GSTCD: variants seen among roughly 807,000 people sequenced by gnomAD.
GSTCD encodes glutathione S-transferase C-terminal domain containing.
A neutral mutation model predicts 68.3 loss-of-function variants in GSTCD; 44 were observed. The observed-to-expected ratio is 0.64, with a 90% CI of 0.51 to 0.83. GSTCD has a LOEUF of 0.83. Ranked by LOEUF, GSTCD falls within the 40% of genes least tolerant of loss-of-function variation. GSTCD has a pLI of 0.00. For synonymous variants in GSTCD, 273 were observed against 255.2 expected (o/e 1.07, Z -0.67); for missense variants, 739 against 735.9 (o/e 1.00, Z -0.05).
chr4:105,800,059 A>T (rs1312009830), intron 5 of GSTCD, among the ~76,000 whole-genome samples: 1 of 152,136 alleles, frequency 6.6e-6, no homozygotes, highest in African/African-American at 2.4e-5. Context: ...ACTTACATAG[A>T]AATTTACAAA....
chr4:105,844,909 C>G (rs1325480189), intron 11 of GSTCD, among the ~76,000 whole-genome samples: 1 of 152,180 alleles, frequency 6.6e-6, no homozygotes, highest in Non-Finnish European at 1.5e-5. Flanking sequence ...CTACACTCAA[C>G]ATTACATTTC....
At chr4:105,761,731 G>T (rs1235728223) in intron 5 of GSTCD, 1 of 152,090 alleles carries the variant, frequency 6.6e-6, no homozygotes, top group Non-Finnish European at 1.5e-5. Context: ...GTAATATAGG[G>T]ATATACTATG....
chr4:105,720,239 A>AT (rs1732819956), intron 3 of GSTCD, among the ~76,000 whole-genome samples: 1 of 152,230 alleles, frequency 6.6e-6, no homozygotes. Context: ...GGAGGAAAAA[A>AT]GAACAGGGTG....
chr4:105,752,396 T>C (rs1285899612), intron 5 of GSTCD, among the ~76,000 whole-genome samples: 1 of 152,084 alleles, frequency 6.6e-6, no homozygotes, highest in Non-Finnish European at 1.5e-5. Flanking sequence ...ACAGAGACCA[T>C]AATGACTGAT....
intron 10 of GSTCD, 66 bp from the exon 11 acceptor site, chr4:105,841,999 G>C: frequency 8.3e-7 from 1 of 1,203,356 alleles, no homozygotes; most frequent in South Asian, 1.2e-5. Context: ...TTTTTTTGGT[G>C]GTTGTTTTTA....
chr4:105,732,322 G>C (rs1733276833), intron 5 of GSTCD, among the ~76,000 whole-genome samples: 1 of 152,090 alleles, frequency 6.6e-6, no homozygotes, highest in Non-Finnish European at 1.5e-5. Flanking sequence ...GTCTGGTCCT[G>C]GACTTTTTTT....
rs556507164 is a variant in GSTCD at position 105,755,760 on chromosome 4, G to T, written c.1240+26261G>T. Among the ~76,000 whole-genome samples the T allele has an allele frequency of 1.1e-4, 16 of 152,256 alleles. No homozygotes were observed. In the South Asian group the frequency reaches 3.3e-3, roughly 32 times the overall value. ...GAGATATTTAAAAGAAGTCTGGAAA[G>T]GTAATCCAAGAGATAAATTATTCAA... On this transcript the variant is annotated intron_variant, in intron 5 of 11. Coordinates refer to ENST00000515279, the MANE Select transcript of GSTCD (RefSeq NM_001370181.1).
At chr4:105,834,236 T>G (rs1458964726) in intron 8 of GSTCD, among the ~76,000 whole-genome samples, 246 of 152,346 alleles carry the variant, frequency 1.6e-3, no homozygotes, top group African/African-American at 5.7e-3. Context: ...CTTGTGTTAA[T>G]TTTTCCACAC....
intron 5 of GSTCD, among the ~76,000 whole-genome samples, chr4:105,804,768 A>G (rs542678574): frequency 1.2e-4 from 18 of 152,136 alleles, no homozygotes; most frequent in East Asian, 5.8e-4. Flanking sequence ...CCGAGCATCA[A>G]TTAGCTATTT....
At chr4:105,782,933 A>G (rs1735335898) in intron 5 of GSTCD, among the ~76,000 whole-genome samples, 1 of 152,238 alleles carries the variant, frequency 6.6e-6, no homozygotes, top group Non-Finnish European at 1.5e-5. Flanking sequence ...TTTAAAAATA[A>G]CTACCAATTT....
chr4:105,747,029 C>G (rs1733828011), intron 5 of GSTCD, among the ~76,000 whole-genome samples: 1 of 152,302 alleles, frequency 6.6e-6, no homozygotes, highest in South Asian at 2.1e-4. Context: ...GAGGCAGATA[C>G]AAGGTGAAGA....
chr4:105,785,778 G>C (rs185454435), intron 5 of GSTCD, among the ~76,000 whole-genome samples: 2 of 152,130 alleles, frequency 1.3e-5, no homozygotes, highest in East Asian at 1.9e-4. Flanking sequence ...AAAAAAAAAG[G>C]CCTCTACATT....
intron 5 of GSTCD, among the ~76,000 whole-genome samples, chr4:105,787,141 T>C (rs1381476970): frequency 6.6e-6 from 1 of 152,114 alleles, no homozygotes; most frequent in African/African-American, 2.4e-5. Context: ...TTTTTTTTAC[T>C]GATAAGTGTT....
At chr4:105,809,796 C>T (rs1722683118) in intron 5 of GSTCD, among the ~76,000 whole-genome samples, 1 of 151,266 alleles carries the variant, frequency 6.6e-6, no homozygotes, top group Non-Finnish European at 1.5e-5. Flanking sequence ...TAATTTTATA[C>T]CTGGTCTTTT....
intron 10 of GSTCD, among the ~76,000 whole-genome samples, chr4:105,839,491 T>C (rs975346966): frequency 6.6e-6 from 1 of 152,092 alleles, no homozygotes; most frequent in African/African-American, 2.4e-5. Context: ...AAAAATTAGC[T>C]GGGTGTGGTG....
intron 5 of GSTCD, among the ~76,000 whole-genome samples, chr4:105,739,869 C>T (rs763416043): frequency 3.3e-5 from 5 of 152,122 alleles, no homozygotes; most frequent in African/African-American, 4.8e-5. Flanking sequence ...AGGGATGGAA[C>T]GGTTCTGCCA....
chr4:105,747,324 A>G (rs1733839593), intron 5 of GSTCD, among the ~76,000 whole-genome samples: 2 of 152,390 alleles, frequency 1.3e-5, no homozygotes, highest in South Asian at 2.1e-4. Flanking sequence ...TAGGATATCT[A>G]TCAGAATCAT....
intron 9 of GSTCD, among the ~76,000 whole-genome samples, chr4:105,836,707 C>G (rs970235733): frequency 2.0e-5 from 3 of 152,202 alleles, no homozygotes; most frequent in Admixed American, 6.5e-5. Context: ...TGCCTGGGCT[C>G]AGCCTCAACT....
At chr4:105,803,947 G>T (rs1221024493) in intron 5 of GSTCD, among the ~76,000 whole-genome samples, 2 of 151,954 alleles carry the variant, frequency 1.3e-5, no homozygotes, top group African/African-American at 4.8e-5. Context: ...GATACAGTTG[G>T]TTAGGGATAT....
Sources: allele counts gnomAD v4.1 joint callset (sites outside exome capture counted in the v4.1 genomes callset), GRCh38; gene constraint gnomAD v4.1.1; transcripts MANE v1.5; gene names NCBI Gene and HGNC (gene_info 2026-07-23, HGNC 2026-07-21).